The following BANP variants were observed in gnomAD, a reference collection of about 807,000 sequenced individuals.
The protein encoded by BANP is BTG3 associated nuclear protein, also known as protein BANP.
A neutral mutation model predicts 68.1 loss-of-function variants in BANP; 11 were observed. The ratio of observed to expected loss-of-function variants is 0.16; its 90% CI spans 0.10 to 0.27. The LOEUF (loss-of-function observed/expected upper bound fraction) is 0.27, where lower values mean the gene tolerates loss of function less well. Among genes scored for constraint, BANP ranks in the 10% least tolerant of loss-of-function variants. The probability of loss-of-function intolerance (pLI) is 1.00; values close to 1 mark genes in which losing one functional copy is unlikely to be tolerated. For missense variants in BANP, 504 were observed against 722.7 expected (o/e 0.70, Z 3.47); for synonymous variants, 329 against 303.2 (o/e 1.09, Z -0.88).
chr16:88,005,663 G>C (rs7404264), intron 5 of BANP, among the ~76,000 whole-genome samples: 2 of 152,172 alleles, frequency 1.3e-5, no homozygotes, highest in Non-Finnish European at 2.9e-5. Flanking sequence ...CATTGCGAGG[G>C]GGAGCCATCT....
intron 2 of BANP, among the ~76,000 whole-genome samples, chr16:87,980,083 G>A (rs1344237970): frequency 6.6e-6 from 1 of 152,190 alleles, no homozygotes; most frequent in African/African-American, 2.4e-5. Context: ...ATCTCAATGT[G>A]TGAGCATGTA....
In BANP at chr16:88,036,113, T is replaced by G. The variant is rs989185094; in HGVS notation, c.1272+719T>G. Among the ~76,000 whole-genome samples the G allele has an allele frequency of 2.0e-5, 3 of 152,228 alleles. No homozygotes were observed. The highest frequency in any genetic ancestry group is 4.8e-5 in the African/African-American group (2 of 41,458). ...GACCGTCCTTCGACTCTGGGCTGTTTCCTGCAGCACAGGCAGCAGCAGGCA... is the reference window on the plus strand; with the variant it reads ...GACCGTCCTTCGACTCTGGGCTGTTGCCTGCAGCACAGGCAGCAGCAGGCA... On this transcript the variant is annotated intron_variant, in intron 10 of 13. Coordinates refer to ENST00000682872, the MANE Select transcript of BANP (RefSeq NM_001386991.1). The surrounding 1 kb of genome is among the most constrained non-coding windows in gnomAD (Gnocchi z 4.2).
At chr16:87,991,290 C>G (rs1337936298) in intron 4 of BANP, among the ~76,000 whole-genome samples, 1 of 152,284 alleles carries the variant, frequency 6.6e-6, no homozygotes, top group South Asian at 2.1e-4. Flanking sequence ...ATACAGTTTA[C>G]ATACATACAA....
chr16:87,984,550 T>C (rs2063917463), intron 4 of BANP, among the ~76,000 whole-genome samples: 1 of 152,284 alleles, frequency 6.6e-6, no homozygotes, highest in Admixed American at 6.5e-5. Context: ...GTACATGTGC[T>C]TCTTTCCTTT....
intron 13 of BANP, among the ~76,000 whole-genome samples, chr16:88,072,504 C>T (rs548329853): frequency 2.0e-5 from 3 of 152,356 alleles, no homozygotes; most frequent in African/African-American, 4.8e-5. Flanking sequence ...TCCCTCCACA[C>T]AGCCCTTTCC....
intron 1 of BANP, chr16:87,952,034 G>GGC (rs10686946): frequency 0.82 from 124,628 of 152,014 alleles, 51,789 homozygotes; most frequent in African/African-American, 0.96. Context: ...GCGCTCTCGG[G>GGC]GACCGCAGAC....
At chr16:87,958,856 C>T (rs879672859) in intron 1 of BANP, among the ~76,000 whole-genome samples, 22 of 152,342 alleles carry the variant, frequency 1.4e-4, no homozygotes, top group African/African-American at 5.3e-4. Context: ...CTCAGCGGCA[C>T]AAACTCACAG....
chr16:87,975,541 A>G (rs937348841), intron 2 of BANP, among the ~76,000 whole-genome samples: 1 of 149,940 alleles, frequency 6.7e-6, no homozygotes, highest in African/African-American at 2.5e-5. Context: ...GTGCGGCGTC[A>G]TGGAACCTTA....
intron 13 of BANP, among the ~76,000 whole-genome samples, chr16:88,075,938 G>T (rs2091517174): frequency 6.6e-6 from 1 of 151,846 alleles, no homozygotes. Context: ...TAGAGACGAG[G>T]TTTCACCATT....
chr16:88,060,787 G>A (rs886187274), intron 11 of BANP, among the ~76,000 whole-genome samples: 1 of 152,144 alleles, frequency 6.6e-6, no homozygotes, highest in East Asian at 1.9e-4. Context: ...GCAGCGCCAC[G>A]GTGATGGCAG....
intron 11 of BANP, among the ~76,000 whole-genome samples, chr16:88,040,076 G>A (rs1168499839): frequency 1.3e-5 from 2 of 152,078 alleles, no homozygotes; most frequent in Non-Finnish European, 2.9e-5. Context: ...AATCAAAGAC[G>A]GCTTCAGGAG....
chr16:87,996,788 T>C (rs2067374837), intron 4 of BANP, among the ~76,000 whole-genome samples: 1 of 152,272 alleles, frequency 6.6e-6, no homozygotes, highest in South Asian at 2.1e-4. Flanking sequence ...TTCAAGGCTC[T>C]GCTTCAGAAT....
intron 1 of BANP, among the ~76,000 whole-genome samples, chr16:87,954,320 C>T (rs372333173): frequency 6.6e-6 from 1 of 152,180 alleles, no homozygotes; most frequent in Non-Finnish European, 1.5e-5. Context: ...CTCCATGACT[C>T]TAAGGAAACT....
At chr16:87,972,132 G>A (rs1453573771) in intron 1 of BANP, among the ~76,000 whole-genome samples, 2 of 152,006 alleles carry the variant, frequency 1.3e-5, no homozygotes, top group Admixed American at 6.6e-5. Flanking sequence ...CATATGTTGG[G>A]TCTTCTTTTC....
chr16:88,005,215 C>T (rs1360326696), intron 5 of BANP, among the ~76,000 whole-genome samples: 1 of 152,154 alleles, frequency 6.6e-6, no homozygotes, highest in Non-Finnish European at 1.5e-5. Context: ...CCAGGGTCAG[C>T]TGTGCCTCAG....
intron 11 of BANP, among the ~76,000 whole-genome samples, chr16:88,048,450 G>T (rs1040459111): frequency 6.7e-6 from 1 of 148,628 alleles, no homozygotes; most frequent in Admixed American, 6.7e-5. Context: ...GGCGCTCACC[G>T]CAGATTTAAG....
chr16:88,022,339 G>A (rs1035718604), intron 7 of BANP, among the ~76,000 whole-genome samples: 1 of 152,160 alleles, frequency 6.6e-6, no homozygotes, highest in African/African-American at 2.4e-5. Flanking sequence ...GAACACACCC[G>A]ATCTCGTCTG....
At chr16:88,005,364 T>C (rs943340114) in intron 5 of BANP, among the ~76,000 whole-genome samples, 1 of 151,996 alleles carries the variant, frequency 6.6e-6, no homozygotes, top group Non-Finnish European at 1.5e-5. Context: ...TTCAACACCC[T>C]TTTTTTTGAC....
intron 7 of BANP, among the ~76,000 whole-genome samples, chr16:88,023,134 G>A (rs1567785169): frequency 1.3e-5 from 2 of 152,194 alleles, no homozygotes; most frequent in Admixed American, 1.3e-4. Flanking sequence ...TGTGTATCTT[G>A]GGACATTGAG....
Sources: allele counts gnomAD v4.1 joint callset (sites outside exome capture counted in the v4.1 genomes callset), GRCh38; gene constraint gnomAD v4.1.1; non-coding constraint Gnocchi (gnomAD v3.1); transcripts MANE v1.5; gene names NCBI Gene and HGNC (gene_info 2026-07-23, HGNC 2026-07-21).